The following AP1B1 variants were observed in gnomAD, a reference collection of about 807,000 sequenced individuals.
The protein encoded by AP1B1 is AP-1 complex subunit beta-1.
Under a neutral mutation model 104.3 loss-of-function variants are expected in AP1B1, and 36 were observed. The observed-to-expected ratio is 0.35, with a 90% CI of 0.26 to 0.46. AP1B1 has a LOEUF of 0.46. Ranked by LOEUF, AP1B1 falls within the 20% of genes least tolerant of loss-of-function variation. The pLI is 1.00. For synonymous variants in AP1B1, 504 were observed against 517.5 expected (o/e 0.97, Z 0.35); for missense variants, 901 against 1,247.9 (o/e 0.72, Z 4.19).
chr22:29,357,080 T>C (rs1261611730), intron 5 of AP1B1, among the ~76,000 whole-genome samples: 1 of 151,560 alleles, frequency 6.6e-6, no homozygotes, highest in Admixed American at 6.6e-5. Context: ...TTTTTTTTTT[T>C]TGAGATGGAG....
intron 1 of AP1B1, among the ~76,000 whole-genome samples, chr22:29,372,186 G>C (rs2062250454): frequency 6.6e-6 from 1 of 152,150 alleles, no homozygotes; most frequent in Non-Finnish European, 1.5e-5. Flanking sequence ...AGTTTGGGAG[G>C]TCCAGGTGGG....
rs148564390 is a variant in AP1B1 at position 29,339,076 on chromosome 22, C to T, written c.2077G>A (p.Ala693Thr). Residue 693 changes from alanine to threonine, a missense_variant, in exon 16 of 23, where the codon GCA (alanine) becomes ACA (threonine). Physicochemically the swap from Ala to Thr is moderately conservative, Grantham distance 58. Around this residue, in one of 3 missense-constraint regions of AP1B1, gnomAD observed 424 missense variants for 494.0 expected, o/e 0.86. Coordinates refer to ENST00000357586, the MANE Select transcript of AP1B1 (RefSeq NM_001127.4). ...PTAAVPANLG[A>T]PIGSGLSDLF... ...TCACTCAGGCCACTGCCGATGGGTG[C>T]TCCAAGATTGGCTGGTACTGCTGCT... 564 of 1,614,210 alleles carry T rather than the reference C, an allele frequency of 3.5e-4. 1 individual carries two copies. In the African/African-American group the frequency reaches 6.0e-3, roughly 17 times the overall value.
intron 1 of AP1B1, among the ~76,000 whole-genome samples, chr22:29,379,729 C>T (rs566704391): frequency 5.9e-5 from 9 of 152,128 alleles, no homozygotes; most frequent in Non-Finnish European, 8.8e-5. Flanking sequence ...GCTTGGCTGA[C>T]GCAAAAAGAC....
intron 22 of AP1B1, chr22:29,329,346 C>T (rs1191813506): frequency 9.2e-6 from 11 of 1,193,098 alleles, no homozygotes; most frequent in African/African-American, 3.2e-5. Flanking sequence ...GAAGCAGGCA[C>T]GGTAGAGACT....
chr22:29,384,006 A>T (rs779064156), intron 1 of AP1B1, among the ~76,000 whole-genome samples: 1 of 152,156 alleles, frequency 6.6e-6, no homozygotes, highest in Non-Finnish European at 1.5e-5. Context: ...ATAAGAGGGG[A>T]CAATCTAAAC....
intron 11 of AP1B1, among the ~76,000 whole-genome samples, chr22:29,343,645 A>G (rs563573800): frequency 6.6e-6 from 1 of 152,260 alleles, no homozygotes; most frequent in African/African-American, 2.4e-5. Context: ...ACAGCAACTT[A>G]TGGCAGCTTG....
intron 8 of AP1B1, 96 bp downstream of exon 8, chr22:29,351,609 A>G: frequency 6.7e-7 from 1 of 1,500,358 alleles, no homozygotes; most frequent in East Asian, 2.3e-5. Context: ...TAAACCGTTA[A>G]TGGTGAGACT....
intron 3 of AP1B1, 48 bp from the exon 4 acceptor site, chr22:29,360,007 G>C (rs376680107): frequency 6.3e-6 from 10 of 1,587,786 alleles, no homozygotes; most frequent in Non-Finnish European, 8.6e-6. Flanking sequence ...AACAAAGGAA[G>C]AGGAAGATTT....
In AP1B1 at chr22:29,354,605, C is replaced by T. The variant is rs759084528; in HGVS notation, c.938+45G>A. The stretch of plus-strand genomic sequence containing the variant: ...GAGCCCCCATTCCCAGCAGAAGAGG[C>T]TCCCCGAGGGGTACGCATGGACGTG... On this transcript the variant is annotated intron_variant, in intron 7 of 22. Transcript: ENST00000357586. 4 of 1,576,000 alleles carry T rather than the reference C, an allele frequency of 2.5e-6. No homozygotes were observed. In the South Asian group the frequency reaches 3.4e-5, roughly 13 times the overall value.
At chr22:29,369,463 C>T (rs2062196689) in intron 1 of AP1B1, among the ~76,000 whole-genome samples, 1 of 152,224 alleles carries the variant, frequency 6.6e-6, no homozygotes, top group Non-Finnish European at 1.5e-5. Context: ...TTCCCTTTTG[C>T]TTTGCAAAGT....
At chr22:29,337,705 C>T (rs1370360993) in intron 16 of AP1B1, among the ~76,000 whole-genome samples, 6 of 152,166 alleles carry the variant, frequency 3.9e-5, no homozygotes, top group African/African-American at 7.2e-5. Flanking sequence ...GTGCCAGGCC[C>T]GCATGTCCTC....
chr22:29,380,092 G>A (rs1251044165), intron 1 of AP1B1, among the ~76,000 whole-genome samples: 4 of 152,100 alleles, frequency 2.6e-5, no homozygotes, highest in Non-Finnish European at 5.9e-5. Context: ...GTCCTGCCAG[G>A]AGAAGACACA....
At chr22:29,360,071 C>G in intron 3 of AP1B1, 112 bp from the exon 4 acceptor site, 2 of 1,199,416 alleles carry the variant, frequency 1.7e-6, no homozygotes, top group South Asian at 3.3e-5. Flanking sequence ...AAAGGAGAGA[C>G]ACACTGGACT....
intron 3 of AP1B1, among the ~76,000 whole-genome samples, chr22:29,361,033 G>A (rs927337764): frequency 2.7e-4 from 41 of 152,286 alleles, no homozygotes; most frequent in Middle Eastern, 3.4e-3. Context: ...TGATGAGGCC[G>A]ACTCGCTCTT....
chr22:29,329,633 A>G (rs1602676646), intron 22 of AP1B1, 79 bp downstream of exon 22: 1 of 1,602,100 alleles, frequency 6.2e-7, no homozygotes, highest in Non-Finnish European at 8.5e-7. Context: ...TGCAGACAGG[A>G]GACATGGGGT....
intron 2 of AP1B1, among the ~76,000 whole-genome samples, chr22:29,366,824 T>C (rs1339924110): frequency 1.6e-5 from 2 of 125,108 alleles, no homozygotes; most frequent in South Asian, 2.7e-4. Context: ...ACACGTGCCC[T>C]TGGATAAGGA....
chr22:29,339,708 G>C (rs2061686504), intron 15 of AP1B1, 46 bp downstream of exon 15: 1 of 1,604,100 alleles, frequency 6.2e-7, no homozygotes, highest in African/African-American at 1.3e-5. Context: ...AGCGCTTTCG[G>C]GAGGAGCAAG....
At chr22:29,351,885 T>C in intron 7 of AP1B1, 60 bp from the exon 8 acceptor site, 1 of 1,595,214 alleles carries the variant, frequency 6.3e-7, no homozygotes, top group Non-Finnish European at 8.6e-7. Flanking sequence ...TGTGAGAAAA[T>C]GCCCTCCACA....
chr22:29,359,702 G>A (rs902235942), intron 4 of AP1B1, 122 bp downstream of exon 4: 60 of 1,303,150 alleles, frequency 4.6e-5, no homozygotes, highest in East Asian at 1.2e-4. Flanking sequence ...CAGGCTGGGC[G>A]GGCGCGGGCA....
Sources: allele counts gnomAD v4.1 joint callset (sites outside exome capture counted in the v4.1 genomes callset), GRCh38; gene constraint gnomAD v4.1.1; regional missense constraint gnomAD v4.1.1; transcripts MANE v1.5; gene names NCBI Gene and HGNC (gene_info 2026-07-23, HGNC 2026-07-21).